COL10A1: variants seen among roughly 807,000 people sequenced by gnomAD.
The protein encoded by COL10A1 is collagen alpha-1(X) chain.
COL10A1 carries 10 observed loss-of-function variants against 18.2 expected under a neutral mutation model. The observed-to-expected ratio is 0.55, with a 90% CI of 0.34 to 0.93. COL10A1 has a LOEUF of 0.93. Ranked by LOEUF, COL10A1 falls within the 40% of genes least tolerant of loss-of-function variation. The pLI is 0.02. For synonymous variants in COL10A1, 330 were observed against 316.6 expected (o/e 1.04, Z -0.45); for missense variants, 897 against 853.5 (o/e 1.05, Z -0.64).
chr6:116,136,149 G>C (rs1310365963), intron 1 of COL10A1, among the ~76,000 whole-genome samples: 1 of 151,868 alleles, frequency 6.6e-6, no homozygotes, highest in East Asian at 1.9e-4. Context: ...TATGAATTTT[G>C]ACTTTTTTAG....
chr6:116,196,476 A>C, the COL10A1 span, among the ~76,000 whole-genome samples: 23 of 152,126 alleles, frequency 1.5e-4, no homozygotes, highest in African/African-American at 4.8e-4. Flanking sequence ...GATTAGTTTG[A>C]TCTAGGGAAA....
chr6:116,203,631 A>T, the COL10A1 span, among the ~76,000 whole-genome samples: 1 of 151,932 alleles, frequency 6.6e-6, no homozygotes, highest in Non-Finnish European at 1.5e-5. Flanking sequence ...TACCCTTGGT[A>T]GACGTGAGTT....
the COL10A1 span, among the ~76,000 whole-genome samples, chr6:116,204,946 G>A: frequency 4.6e-5 from 7 of 151,898 alleles, no homozygotes; most frequent in Non-Finnish European, 1.0e-4. Flanking sequence ...ATGTGTACTA[G>A]AAAATACATG....
At chr6:116,155,777 G>A (rs544794216) in intron 1 of COL10A1, among the ~76,000 whole-genome samples, 3 of 151,172 alleles carry the variant, frequency 2.0e-5, no homozygotes, top group East Asian at 1.9e-4. Context: ...AAAAAAGAGG[G>A]AGGAAGTTGT....
At chr6:116,159,174 G>T (rs117416797), upstream of COL10A1, among the ~76,000 whole-genome samples, 2,046 of 151,844 alleles carry the variant, frequency 0.013, 18 homozygotes, top group Non-Finnish European at 0.02. Context: ...TTTGGTTTTG[G>T]TTTTTTTAAA....
chr6:116,129,184 A>G (rs1031976968), upstream of COL10A1, among the ~76,000 whole-genome samples: 8 of 152,328 alleles, frequency 5.3e-5, no homozygotes, highest in Admixed American at 3.9e-4. Context: ...TAATATCATC[A>G]AATCCTGTAG....
At chr6:116,183,086 A>G in the COL10A1 span, among the ~76,000 whole-genome samples, 18 of 152,062 alleles carry the variant, frequency 1.2e-4, no homozygotes, top group Admixed American at 1.0e-3. Flanking sequence ...TCGTTCTTCT[A>G]CATGTGGCTT....
chr6:116,203,251 T>C, the COL10A1 span, among the ~76,000 whole-genome samples: 10 of 152,108 alleles, frequency 6.6e-5, no homozygotes, highest in African/African-American at 2.4e-4. Flanking sequence ...ATTTCTTGGA[T>C]TCATTTTCAT....
intron 1 of COL10A1, among the ~76,000 whole-genome samples, chr6:116,137,943 G>A (rs1315386857): frequency 1.3e-5 from 2 of 152,104 alleles, no homozygotes; most frequent in Non-Finnish European, 2.9e-5. Context: ...GCCAGGCGTG[G>A]TGGTGTGTGT....
At chr6:116,143,594 A>G (rs1779818850) in intron 1 of COL10A1, among the ~76,000 whole-genome samples, 1 of 152,150 alleles carries the variant, frequency 6.6e-6, no homozygotes, top group Non-Finnish European at 1.5e-5. Flanking sequence ...AAAATTTCCA[A>G]GTCACACTGT....
chr6:116,191,823 A>G, the COL10A1 span, among the ~76,000 whole-genome samples: 1 of 152,016 alleles, frequency 6.6e-6, no homozygotes, highest in Non-Finnish European at 1.5e-5. Flanking sequence ...TGTATTCCCC[A>G]AACCTTAAGG....
chr6:116,144,739 G>A (rs1272977492), intron 1 of COL10A1, among the ~76,000 whole-genome samples: 1 of 152,146 alleles, frequency 6.6e-6, no homozygotes, highest in Non-Finnish European at 1.5e-5. Context: ...AAGGGGAGTG[G>A]GTGGGATAGC....
At chr6:116,157,273 T>G (rs937754373) in intron 1 of COL10A1, among the ~76,000 whole-genome samples, 16 of 152,200 alleles carry the variant, frequency 1.1e-4, no homozygotes, top group African/African-American at 3.4e-4. Context: ...GCTCTGAGTT[T>G]CTGTAAAAAT....
the COL10A1 span, among the ~76,000 whole-genome samples, chr6:116,181,120 T>C: frequency 6.6e-6 from 1 of 152,008 alleles, no homozygotes. Context: ...ATGAAAAGAT[T>C]AATAATTATT....
intron 1 of COL10A1, among the ~76,000 whole-genome samples, chr6:116,140,831 A>G (rs1348995114): frequency 6.6e-6 from 1 of 152,052 alleles, no homozygotes; most frequent in African/African-American, 2.4e-5. Flanking sequence ...TTCATTTTTC[A>G]CTGCTCTGTA....
the COL10A1 span, among the ~76,000 whole-genome samples, chr6:116,212,436 A>G: frequency 1.3e-5 from 2 of 152,122 alleles, no homozygotes; most frequent in African/African-American, 2.4e-5. Flanking sequence ...ACATTGAACA[A>G]GTAATCCTTT....
At chr6:116,198,695 C>T in the COL10A1 span, among the ~76,000 whole-genome samples, 4 of 151,980 alleles carry the variant, frequency 2.6e-5, no homozygotes, top group Non-Finnish European at 5.9e-5. Flanking sequence ...CACCACTGCA[C>T]TCCAGCCTGG....
the COL10A1 span, among the ~76,000 whole-genome samples, chr6:116,164,238 T>C: frequency 6.6e-6 from 1 of 152,182 alleles, no homozygotes; most frequent in African/African-American, 2.4e-5. Context: ...TTCTTAGGTG[T>C]AGTAGTACTT....
chr6:116,120,220 G>A lies in COL10A1; in HGVS notation c.1896C>T (p.Tyr632=). 1 of 1,614,168 alleles carries A rather than the reference G, an allele frequency of 6.2e-7. No individual in the cohort carries two copies. The highest frequency in any genetic ancestry group is 8.5e-7 in the Non-Finnish European group (1 of 1,180,016). ...TGGCACTCCCTGAAGCCTGATCCAG[G>A]TAGCCTTTGGTGTATTCATCATAGG... The part of the protein sequence containing the change: ...MYTYDEYTKG[Y]LDQASGSAII... The change falls in exon 3 of 3, where the codon TAC becomes TAT. Residue 632 remains tyrosine (Y), a synonymous_variant. Coordinates refer to ENST00000651968, the MANE Select transcript of COL10A1 (RefSeq NM_000493.4).
Sources: gnomAD v4.1 joint callset for allele counts (sites outside exome capture counted in the v4.1 genomes callset) on GRCh38, gnomAD v4.1.1 for gene constraint, MANE v1.5 for transcripts, NCBI Gene and HGNC (gene_info 2026-07-23, HGNC 2026-07-21) for gene names.